JUP: variants seen among roughly 807,000 people sequenced by gnomAD.
The protein encoded by JUP is catenin (cadherin-associated protein), gamma 80kDa.
JUP carries 28 observed loss-of-function variants against 71.1 expected under a neutral mutation model. The observed-to-expected ratio is 0.39, with a 90% CI of 0.29 to 0.54. The LOEUF (loss-of-function observed/expected upper bound fraction) is 0.54, where lower values mean the gene tolerates loss of function less well. Ranked by LOEUF, JUP falls within the 20% of genes least tolerant of loss-of-function variation. The pLI, the probability that JUP is intolerant of heterozygous loss-of-function variation, is 0.62. For synonymous variants in JUP, 401 were observed against 438.9 expected (o/e 0.91, Z 1.08); for missense variants, 869 against 1,030.1 (o/e 0.84, Z 2.14).
chr17:41,765,414 C>T (rs955264832), intron 5 of JUP, among the ~76,000 whole-genome samples: 1 of 151,614 alleles, frequency 6.6e-6, no homozygotes, highest in Non-Finnish European at 1.5e-5. Flanking sequence ...TGCAGTGGCA[C>T]GATCTCAGGT....
intron 8 of JUP, among the ~76,000 whole-genome samples, 165 bp downstream of exon 8, chr17:41,762,818 G>A (rs1555601911): frequency 6.6e-6 from 1 of 152,236 alleles, no homozygotes; most frequent in East Asian, 1.9e-4. Context: ...GAATTTTAGA[G>A]CAGAGCCATT....
chr17:41,773,009 G>A, intron 1 of JUP: 1 of 985,194 alleles, frequency 1.0e-6, no homozygotes, highest in Non-Finnish European at 1.2e-6. Context: ...CTCATGGGCG[G>A]GTTTCAAAGC....
At chr17:41,756,808 G>A (rs1237311506) in intron 12 of JUP, among the ~76,000 whole-genome samples, 2 of 151,908 alleles carry the variant, frequency 1.3e-5, no homozygotes, top group Admixed American at 6.6e-5. Flanking sequence ...GCTGAGGCAG[G>A]AGAATTGCTT....
At chr17:41,765,497 G>A (rs1419058998) in intron 5 of JUP, among the ~76,000 whole-genome samples, 6 of 152,098 alleles carry the variant, frequency 3.9e-5, no homozygotes, top group African/African-American at 9.7e-5. Flanking sequence ...GATTACAGGC[G>A]TGTGCCATCA....
chr17:41,756,460 C>T (rs900237782), intron 12 of JUP, among the ~76,000 whole-genome samples: 4 of 151,806 alleles, frequency 2.6e-5, no homozygotes, highest in South Asian at 2.1e-4. Context: ...ATTAGCTGGG[C>T]GTGGTGGTGC....
At position 41,771,703 on chromosome 17, in the gene JUP, C is replaced by A. The variant is rs571707598; in HGVS notation, c.152G>T (p.Arg51Leu). 1 of 1,614,114 alleles carries A rather than the reference C, an allele frequency of 6.2e-7. No homozygotes were observed. The highest frequency in any genetic ancestry group is 8.5e-7 in the Non-Finnish European group (1 of 1,180,028). The change falls in exon 2 of 14, where the codon CGC becomes CTC. Residue 51 changes from arginine to leucine, a missense_variant. Physicochemically the swap from Arg to Leu is moderately radical, Grantham distance 102. Transcript: ENST00000393931. ...GIMEEDEACG[R>L]QYTLKKTTTY... ...GGTGGTTTTCTTGAGCGTGTACTGGCGCCCGCAGGCCTCATCCTCCTCCAT... is the reference window on the plus strand; with the variant it reads ...GGTGGTTTTCTTGAGCGTGTACTGGAGCCCGCAGGCCTCATCCTCCTCCAT...
At position 41,757,643 on chromosome 17, in the gene JUP, C is replaced by T. The variant is rs1321508670; in HGVS notation, c.1915G>A (p.Glu639Lys). The T allele has an allele frequency of 5.0e-6, 8 of 1,613,600 alleles. No individual in the cohort carries two copies. The highest frequency in any genetic ancestry group is 1.6e-4 in the Middle Eastern group (1 of 6,084). ...CCCTCCCCCAGCTCACCAGTGCCCT[C>T]GTTGCGGGAGTGCAGCAACTCCATG... Reference protein sequence around the residue: ...PLMELLHSRNEGTATYAAAVL... With the variant: ...PLMELLHSRNKGTATYAAAVL... The change falls in exon 11 of 14, where the codon GAG (glutamate) becomes AAG (lysine). Residue 639 changes from glutamate to lysine, a missense_variant. Glu to Lys is a moderately conservative substitution (Grantham distance 56). Coordinates refer to ENST00000393931, the MANE Select transcript of JUP (RefSeq NM_002230.4).
intron 2 of JUP, among the ~76,000 whole-genome samples, chr17:41,770,418 C>A (rs1916474002): frequency 6.6e-6 from 1 of 152,200 alleles, no homozygotes. Context: ...GAGAGGGACG[C>A]AGAGGTTCCA....
At chr17:41,771,439 A>G in intron 2 of JUP, 5 of 609,570 alleles carry the variant, frequency 8.2e-6, no homozygotes, top group Non-Finnish European at 1.5e-5. Context: ...CTGATGGTTC[A>G]CAGAAGAGGA....
intron 5 of JUP, among the ~76,000 whole-genome samples, chr17:41,766,945 G>A (rs994934222): frequency 1.3e-5 from 2 of 151,840 alleles, no homozygotes; most frequent in Admixed American, 1.3e-4. Context: ...TACTCTGGAG[G>A]CTGAGGTAGG....
At chr17:41,770,172 A>T (rs969897948) in intron 2 of JUP, among the ~76,000 whole-genome samples, 1 of 151,984 alleles carries the variant, frequency 6.6e-6, no homozygotes, top group East Asian at 1.9e-4. Flanking sequence ...ATCATCCCCA[A>T]CGGTAGCAAT....
chr17:41,776,003 C>T, intron 1 of JUP: 2 of 985,406 alleles, frequency 2.0e-6, no homozygotes, highest in Non-Finnish European at 2.4e-6. Flanking sequence ...CCCCAGCCGG[C>T]ACCTGCCAAG....
intron 3 of JUP, 66 bp from the exon 4 acceptor site, chr17:41,769,273 G>T: frequency 6.4e-7 from 1 of 1,558,336 alleles, no homozygotes. Flanking sequence ...CTTCCACAGA[G>T]CTGAGGAGGG....
chr17:41,771,661 A>T lies in JUP; in HGVS notation c.194T>A (p.Val65Glu), dbSNP rs1252314084. The T allele has an allele frequency of 6.2e-7, 1 of 1,613,202 alleles. No individual in the cohort carries two copies. The highest frequency in any genetic ancestry group is 8.5e-7 in the Non-Finnish European group (1 of 1,179,918). ...GGGGTCCTGACCTTGGCTGGGGGGC[A>T]CCCCCTGGGTGTAAGTGGTGGTTTT... ...LKKTTTYTQG[V>E]PPSQGDLEYQ... is the part of the protein sequence containing the mutation. The change falls in exon 2 of 14, where the codon GTG becomes GAG. Residue 65 changes from valine (V) to glutamate (E), a missense_variant. Coordinates refer to ENST00000393931, the MANE Select transcript of JUP (RefSeq NM_002230.4).
At chr17:41,763,758 G>A (rs533730759) in intron 7 of JUP, among the ~76,000 whole-genome samples, 1 of 152,208 alleles carries the variant, frequency 6.6e-6, no homozygotes, top group African/African-American at 2.4e-5. Context: ...CTACTCGCTT[G>A]TCACCTTTCT....
intron 1 of JUP, chr17:41,772,697 G>A: frequency 1.7e-6 from 1 of 592,812 alleles, no homozygotes; most frequent in Non-Finnish European, 2.1e-6. Flanking sequence ...CTCTCCTCCA[G>A]AAGTGCTTCC....
Position 41,757,505 on chromosome 17 carries a change from G to A in JUP, c.1956C>T (p.Ile652=), listed in dbSNP as rs1914026171. ...ATYAAAVLFR[I]SEDKNPDYRK... ...GGTAGTCTGGGTTCTTGTCCTCGGAGATGCGGAACAGGACGGCAGCAGCGT... is the reference window on the plus strand; with the variant it reads ...GGTAGTCTGGGTTCTTGTCCTCGGAAATGCGGAACAGGACGGCAGCAGCGT... The change falls in exon 12 of 14, where the codon ATC becomes ATT. Residue 652 remains isoleucine, a synonymous_variant. Coordinates refer to ENST00000393931, the MANE Select transcript of JUP (RefSeq NM_002230.4). The A allele has an allele frequency of 6.2e-7, 1 of 1,614,204 alleles. No individual in the cohort carries two copies. Among genetic ancestry groups the A allele is most frequent in the African/African-American group, 1.3e-5 (1 of 75,052 alleles).
Position 41,757,320 on chromosome 17 carries a change from G to A in JUP, c.2046+95C>T, listed in dbSNP as rs1374110964. Reference sequence around the variant, plus strand: ...ATCCAATTACAAAATAAAAATCTATGAAGTTGACAGTAGTAGGAGACCCCC... The same window carrying A: ...ATCCAATTACAAAATAAAAATCTATAAAGTTGACAGTAGTAGGAGACCCCC... On this transcript the variant is annotated intron_variant, in intron 12 of 13. Coordinates refer to ENST00000393931, the MANE Select transcript of JUP (RefSeq NM_002230.4). 19 of 1,312,066 alleles carry A rather than the reference G, an allele frequency of 1.4e-5. No homozygotes were observed. The Admixed American group carries it at 3.0e-4, about 21-fold the overall frequency. The allele number at this position is 1,312,066 out of a possible 1,614,324, so 81.3% of individuals were successfully genotyped here. A position where few individuals can be genotyped will look rare whatever the true frequency, so the allele number is the denominator to read the frequency against.
intron 13 of JUP, 89 bp downstream of exon 13, chr17:41,756,086 G>A (rs1913679429): frequency 7.1e-7 from 1 of 1,409,736 alleles, no homozygotes; most frequent in South Asian, 1.2e-5. Flanking sequence ...CTGGTCCTCT[G>A]GCCCCGGAGA....
Sources: allele counts gnomAD v4.1 joint callset (sites outside exome capture counted in the v4.1 genomes callset), GRCh38; gene constraint gnomAD v4.1.1; transcripts MANE v1.5; gene names NCBI Gene and HGNC (gene_info 2026-07-23, HGNC 2026-07-21).